PRKG1: variants seen among roughly 807,000 people sequenced by gnomAD.
PRKG1 encodes protein kinase cGMP-dependent 1.
Under a neutral mutation model 88.1 loss-of-function variants are expected in PRKG1, and 35 were observed. That is an observed-to-expected ratio of 0.40 (90% confidence interval 0.30 to 0.53). PRKG1 has a LOEUF of 0.53. Ranked by LOEUF, PRKG1 falls within the 20% of genes least tolerant of loss-of-function variation. PRKG1 has a pLI of 0.59. For missense variants in PRKG1, 540 were observed against 839.8 expected, an observed-to-expected ratio of 0.64 and a Z score of 4.41; for synonymous variants, 303 against 292.5, an observed-to-expected ratio of 1.04 and a Z score of -0.37.
chr10:52,090,768 G>A (rs1349360948), intron 7 of PRKG1, among the ~76,000 whole-genome samples: 3 of 152,078 alleles, frequency 2.0e-5, no homozygotes, highest in Admixed American at 6.6e-5. Flanking sequence ...AACTTTTATG[G>A]CAGGTTATCA....
At chr10:50,998,049 C>A (rs964084940) in intron 1 of PRKG1, among the ~76,000 whole-genome samples, 1 of 152,162 alleles carries the variant, frequency 6.6e-6, no homozygotes, top group Non-Finnish European at 1.5e-5. Flanking sequence ...TAGATCACAG[C>A]ATCTTATAGT....
At chr10:51,982,741 G>A (rs1844043378) in intron 5 of PRKG1, among the ~76,000 whole-genome samples, 2 of 152,168 alleles carry the variant, frequency 1.3e-5, no homozygotes, top group Admixed American at 1.3e-4. Flanking sequence ...GGTAGTGTCA[G>A]CAAAAGTGTT....
chr10:51,155,470 G>T (rs1318456571), intron 2 of PRKG1, among the ~76,000 whole-genome samples: 1 of 151,904 alleles, frequency 6.6e-6, no homozygotes, highest in Admixed American at 6.6e-5. Context: ...AGCTTAATGT[G>T]GTTAAGTAAT....
At chr10:52,157,063 T>A (rs1838128799) in intron 8 of PRKG1, among the ~76,000 whole-genome samples, 1 of 151,294 alleles carries the variant, frequency 6.6e-6, no homozygotes, top group African/African-American at 2.4e-5. Context: ...AAAGAAAAAA[T>A]CTGTTTTGAA....
At chr10:51,909,726 G>A (rs1308988634) in intron 5 of PRKG1, 1 of 151,912 alleles carries the variant, frequency 6.6e-6, no homozygotes, top group Non-Finnish European at 1.5e-5. Context: ...GTGGAAGTAG[G>A]AGGAAAATCA....
intron 8 of PRKG1, among the ~76,000 whole-genome samples, chr10:52,158,474 T>A (rs866126503): frequency 2.6e-5 from 4 of 151,646 alleles, no homozygotes; most frequent in Admixed American, 1.3e-4. Flanking sequence ...AATGAAACAC[T>A]AATTGGTTCA....
At chr10:52,092,258 C>G (rs1266640241) in intron 7 of PRKG1, among the ~76,000 whole-genome samples, 2 of 151,962 alleles carry the variant, frequency 1.3e-5, no homozygotes, top group African/African-American at 4.8e-5. Flanking sequence ...TTTGCTCCAG[C>G]CTATTTATGT....
At chr10:51,793,966 A>G (rs569895419) in intron 3 of PRKG1, among the ~76,000 whole-genome samples, 2 of 151,842 alleles carry the variant, frequency 1.3e-5, no homozygotes, top group African/African-American at 4.8e-5. Context: ...ATTTCACCAT[A>G]TTGGCCAGGC....
intron 3 of PRKG1, chr10:51,698,066 A>C: frequency 6.2e-7 from 1 of 1,613,946 alleles, no homozygotes. Flanking sequence ...AATGCCTGGG[A>C]CCTGTCTGGG....
chr10:51,754,285 T>G (rs1837801383), intron 3 of PRKG1, among the ~76,000 whole-genome samples: 1 of 152,236 alleles, frequency 6.6e-6, no homozygotes, highest in African/African-American at 2.4e-5. Flanking sequence ...CATCTTGATC[T>G]ATCCTGGGAC....
At chr10:51,983,982 T>G (rs537589174) in intron 5 of PRKG1, among the ~76,000 whole-genome samples, 67 of 152,298 alleles carry the variant, frequency 4.4e-4, no homozygotes, top group African/African-American at 1.5e-3. Flanking sequence ...GGGCACCTAT[T>G]TGAAATGCAA....
intron 3 of PRKG1, among the ~76,000 whole-genome samples, chr10:51,520,684 T>G (rs150055503): frequency 1.3e-5 from 2 of 152,234 alleles, no homozygotes; most frequent in East Asian, 3.9e-4. Flanking sequence ...GGAAATAAAT[T>G]AAATAATATA....
intron 5 of PRKG1, among the ~76,000 whole-genome samples, chr10:51,991,715 A>AT (rs1470664770): frequency 7.9e-5 from 12 of 152,208 alleles, no homozygotes; most frequent in South Asian, 6.2e-4. Flanking sequence ...TGAACTCATC[A>AT]TTTTTTATGG....
intron 1 of PRKG1, among the ~76,000 whole-genome samples, chr10:51,106,761 C>T (rs542626683): frequency 6.6e-6 from 1 of 152,128 alleles, no homozygotes; most frequent in African/African-American, 2.4e-5. Context: ...GCTATGTGGA[C>T]AACAAAACTT....
At chr10:52,283,868 A>G (rs1842055419) in intron 14 of PRKG1, among the ~76,000 whole-genome samples, 2 of 152,184 alleles carry the variant, frequency 1.3e-5, no homozygotes, top group Middle Eastern at 3.5e-3. Flanking sequence ...AATAAATAGA[A>G]GAAAACTAAA....
intron 5 of PRKG1, among the ~76,000 whole-genome samples, chr10:52,003,605 G>A (rs1844654362): frequency 6.6e-6 from 1 of 152,108 alleles, no homozygotes; most frequent in South Asian, 2.1e-4. Context: ...CCAAAGATCT[G>A]ATGCTGGTCA....
intron 2 of PRKG1, among the ~76,000 whole-genome samples, chr10:51,282,259 G>A (rs1330699144): frequency 6.6e-6 from 1 of 152,148 alleles, no homozygotes; most frequent in Non-Finnish European, 1.5e-5. Context: ...GGCTTAATGA[G>A]GAAGACAGAA....
chr10:51,620,242 T>G (rs2132259958), intron 3 of PRKG1, among the ~76,000 whole-genome samples: 1 of 152,306 alleles, frequency 6.6e-6, no homozygotes, highest in South Asian at 2.1e-4. Flanking sequence ...TAGAAAGTCT[T>G]GAAAAATAAC....
chr10:52,288,650 G>T lies in PRKG1; in HGVS notation c.1710-76G>T, dbSNP rs1017338199. ...CCAAATATGAATTGATGTCATCTGT[G>T]GAGTTTATAGCAATTCAAGTGTTCT... On this transcript the variant is annotated intron_variant, in intron 14 of 17. Coordinates refer to ENST00000373980, the MANE Select transcript of PRKG1 (RefSeq NM_006258.4). The T allele has an allele frequency of 2.1e-6, 3 of 1,405,438 alleles. No homozygotes were observed. The Admixed American group carries it at 7.3e-5, about 34-fold the overall frequency. The allele number at this position is 1,405,438 out of a possible 1,614,324, so 87.1% of individuals were successfully genotyped here.
Sources: gnomAD v4.1 joint callset for allele counts (sites outside exome capture counted in the v4.1 genomes callset) on GRCh38, gnomAD v4.1.1 for gene constraint, MANE v1.5 for transcripts, NCBI Gene and HGNC (gene_info 2026-07-23, HGNC 2026-07-21) for gene names.